SQSTM1: variants seen among roughly 807,000 people sequenced by gnomAD.
The protein encoded by SQSTM1 is sequestosome-1.
Under a neutral mutation model 45.1 loss-of-function variants are expected in SQSTM1, and 36 were observed. The ratio of observed to expected loss-of-function variants is 0.80; its 90% confidence interval spans 0.61 to 1.05. SQSTM1 has a LOEUF of 1.05. Ranked by LOEUF, SQSTM1 falls within the 50% of genes least tolerant of loss-of-function variation. The probability of loss-of-function intolerance (pLI) is 0.00; values close to 1 mark genes in which losing one functional copy is unlikely to be tolerated. For missense variants in SQSTM1, 617 were observed against 607.1 expected (o/e 1.02, Z -0.17); for synonymous variants, 290 against 244.3 (o/e 1.19, Z -1.74).
chr5:179,829,314 T>G (rs1758120306), intron 5 of SQSTM1, among the ~76,000 whole-genome samples: 1 of 152,176 alleles, frequency 6.6e-6, no homozygotes, highest in African/African-American at 2.4e-5. Flanking sequence ...CAGAGAAGTG[T>G]CCTACAGCTC....
intron 5 of SQSTM1, among the ~76,000 whole-genome samples, chr5:179,832,074 C>T (rs977996151): frequency 3.9e-5 from 6 of 152,186 alleles, no homozygotes; most frequent in Admixed American, 2.0e-4. Context: ...TGAGCCACTG[C>T]GCTCGGCCTA....
At position 179,821,848 on chromosome 5, in the gene SQSTM1, C is replaced by T. The variant is rs1191921438; in HGVS notation, c.205+707C>T. The T allele has an allele frequency of 1.6e-5, 4 of 253,536 alleles. No homozygotes were observed. In the Admixed American group the frequency reaches 1.8e-4, roughly 11 times the overall value. The allele number at this position is 253,536 out of a possible 1,614,324, so 15.7% of individuals were successfully genotyped here. ...GTGGGGTTAGGGAGGTGGTTGTGGCCAGGAGGGCGGGAGGTGGCCAAGGCC... is the reference window on the plus strand; with the variant it reads ...GTGGGGTTAGGGAGGTGGTTGTGGCTAGGAGGGCGGGAGGTGGCCAAGGCC... On this transcript the variant is annotated intron_variant, in intron 1 of 7. Transcript: ENST00000389805.
At chr5:179,828,030 G>A (rs925527278) in intron 5 of SQSTM1, among the ~76,000 whole-genome samples, 2 of 152,214 alleles carry the variant, frequency 1.3e-5, no homozygotes, top group East Asian at 1.9e-4. Context: ...GGCCCCTCCT[G>A]GTCGTGGGAT....
intron 1 of SQSTM1, 91 bp downstream of exon 1, chr5:179,821,232 C>A: frequency 8.2e-7 from 1 of 1,219,198 alleles, no homozygotes; most frequent in Non-Finnish European, 1.1e-6. Context: ...CTCGGCGACG[C>A]CTGGCGGGCC....
intron 5 of SQSTM1, among the ~76,000 whole-genome samples, chr5:179,831,216 GA>G (rs1209206926): frequency 6.6e-6 from 1 of 152,232 alleles, no homozygotes; most frequent in African/African-American, 2.4e-5. Flanking sequence ...CCTCTGCCCA[GA>G]GAGCTGCCAG....
chr5:179,824,229 C>CG lies in SQSTM1; in HGVS notation c.582dup (p.Trp195ValfsTer55). ...TCCGGAAGGTGAAACACGGACACTT[C>CG]GGGTGGCCAGGATGGGAAATGGGTC... On this transcript the variant is annotated frameshift_variant, in exon 4 of 8. Transcript: ENST00000389805. LOFTEE classifies it high-confidence loss of function. The CG allele has an allele frequency of 6.2e-7, 1 of 1,613,870 alleles. No individual in the cohort carries two copies. The highest frequency in any genetic ancestry group is 8.5e-7 in the Non-Finnish European group (1 of 1,180,044).
chr5:179,819,655 GC>G (rs1362276437), upstream of SQSTM1, among the ~76,000 whole-genome samples: 1 of 152,196 alleles, frequency 6.6e-6, no homozygotes, highest in Non-Finnish European at 1.5e-5. Context: ...TGTGTCCCCT[GC>G]CCCTGTCTGC....
intron 1 of SQSTM1, chr5:179,821,580 G>A: frequency 2.2e-6 from 1 of 455,428 alleles, no homozygotes. Context: ...CCCTGGAGGA[G>A]CCGGGCGAGC....
chr5:179,812,645 G>C (rs535870885), intron 2 of SQSTM1: 2 of 152,416 alleles, frequency 1.3e-5, no homozygotes, highest in East Asian at 1.9e-4. Flanking sequence ...AGGGCTCCGT[G>C]CCCAGTAGAG....
upstream of SQSTM1, chr5:179,820,695 A>C: frequency 2.3e-6 from 1 of 435,936 alleles, no homozygotes; most frequent in Non-Finnish European, 4.0e-6. Flanking sequence ...CACCGGGGCA[A>C]TGAAGAGAGG....
At chr5:179,831,324 C>G (rs1229498650) in intron 5 of SQSTM1, among the ~76,000 whole-genome samples, 3 of 152,168 alleles carry the variant, frequency 2.0e-5, no homozygotes, top group Non-Finnish European at 2.9e-5. Context: ...TTGTAGAAAA[C>G]TATGGAGATG....
intron 4 of SQSTM1, 144 bp from the exon 5 acceptor site, chr5:179,825,002 G>A (rs1757935298): frequency 2.7e-6 from 2 of 751,836 alleles, no homozygotes; most frequent in South Asian, 2.9e-5. Flanking sequence ...GGAAGGAGAG[G>A]GGGATGCTGA....
chr5:179,806,516 G>C lies in SQSTM1; in HGVS notation c.-232G>C. 4.5e-6 allele frequency: 6 copies of C among 1,338,480 alleles called. No individual in the cohort carries two copies. The highest frequency in any genetic ancestry group is 5.9e-6 in the Non-Finnish European group (6 of 1,019,566). 82.9% of individuals were successfully genotyped at this position (1,338,480 alleles called of 1,614,324 possible). ...CTGGCCGCTGAGTGCCGCGTACCAG[G>C]ACAGCGAGAGGAAGGCGCACAGGCA... is the stretch of plus-strand genomic sequence containing the variant. On this transcript the variant is annotated 5_prime_UTR_variant, in exon 1 of 6. Transcript: ENST00000514093. This position sits in a 1 kb window ranked among gnomAD's most constrained non-coding sequence, Gnocchi z 4.6.
intron 1 of SQSTM1, among the ~76,000 whole-genome samples, chr5:179,809,062 T>G (rs1174065140): frequency 1.3e-5 from 2 of 150,698 alleles, no homozygotes; most frequent in African/African-American, 4.9e-5. Context: ...TTTCACCGTG[T>G]TAGCCAGGAT....
rs760538532 is a variant in SQSTM1 at position 179,824,199 on chromosome 5, C to T, written c.549C>T (p.Arg183=). Residue 183 remains arginine, a synonymous_variant, in exon 4 of 8, where the codon CGC becomes CGT. Transcript: ENST00000389805. ...GHLSEGFSHS[R]WLRKVKHGHF... ...TCCCCCAGGGCTTCTCGCACAGCCG[C>T]TGGCTCCGGAAGGTGAAACACGGAC... The T allele has an allele frequency of 1.1e-5, 17 of 1,613,866 alleles. No individual in the cohort carries two copies. The highest frequency in any genetic ancestry group is 1.4e-5 in the Non-Finnish European group (16 of 1,180,044).
intron 4 of SQSTM1, 49 bp from the exon 5 acceptor site, chr5:179,825,097 T>A (rs376587294): frequency 1.4e-4 from 215 of 1,576,760 alleles, no homozygotes; most frequent in Non-Finnish European, 1.7e-4. Flanking sequence ...CTGTGACAGG[T>A]ATCCAAGGCA....
At position 179,824,033 on chromosome 5, in the gene SQSTM1, G is replaced by A. The variant is rs765529281; in HGVS notation, c.477G>A (p.Leu159=). The change falls in exon 3 of 8, where the codon TTG becomes TTA. Residue 159 remains leucine (L), a synonymous_variant. Transcript: ENST00000389805. Reference sequence around the variant, plus strand: ...GTAGCGTCTGCGAGGGAAAGGGCTTGCACCGGGGGCACACCAAGCTCGCAT... The same window carrying A: ...GTAGCGTCTGCGAGGGAAAGGGCTTACACCGGGGGCACACCAAGCTCGCAT... ...DLCSVCEGKG[L]HRGHTKLAFP... 1 of 1,614,002 alleles carries A rather than the reference G, an allele frequency of 6.2e-7. No homozygotes were observed. Among genetic ancestry groups the A allele is most frequent in the South Asian group, 1.1e-5 (1 of 91,092 alleles).
chr5:179,830,558 T>C (rs866485028), intron 5 of SQSTM1, among the ~76,000 whole-genome samples: 26 of 146,754 alleles, frequency 1.8e-4, no homozygotes, highest in Admixed American at 5.3e-4. Flanking sequence ...TTTTTTTTTT[T>C]CTTTTTCTTT....
intron 7 of SQSTM1, among the ~76,000 whole-genome samples, chr5:179,834,982 G>C (rs1445562687): frequency 6.6e-6 from 1 of 151,804 alleles, no homozygotes; most frequent in Non-Finnish European, 1.5e-5. Context: ...AGGGGCGGCC[G>C]GGCAGAGGCG....
Sources: allele counts gnomAD v4.1 joint callset (sites outside exome capture counted in the v4.1 genomes callset), GRCh38; gene constraint gnomAD v4.1.1; non-coding constraint Gnocchi (gnomAD v3.1); transcripts MANE v1.5; gene names NCBI Gene and HGNC (gene_info 2026-07-23, HGNC 2026-07-21).